Variants in GRIA4 observed in about 807,000 individuals in gnomAD.
GRIA4 encodes the protein glutamate ionotropic receptor AMPA type subunit 4.
GRIA4 carries 34 observed loss-of-function variants against 104.0 expected under a neutral mutation model. The ratio of observed to expected loss-of-function variants is 0.33; its 90% CI spans 0.25 to 0.44. The LOEUF (loss-of-function observed/expected upper bound fraction) is 0.44, where lower values mean the gene tolerates loss of function less well. GRIA4 is among the 20% of genes least tolerant of loss of function. The pLI is 1.00. For synonymous variants in GRIA4, 386 were observed against 381.9 expected, an observed-to-expected ratio of 1.01 and a Z score of -0.13; for missense variants, 750 against 1,096.5, an observed-to-expected ratio of 0.68 and a Z score of 4.46.
At chr11:105,659,354 A>T (rs922539745) in intron 3 of GRIA4, among the ~76,000 whole-genome samples, 15 of 152,110 alleles carry the variant, frequency 9.9e-5, no homozygotes, top group African/African-American at 3.4e-4. Flanking sequence ...GACTTCTAGG[A>T]AAGGTTTATC....
At chr11:105,869,285 T>C (rs1347085581) in intron 5 of GRIA4, among the ~76,000 whole-genome samples, 3 of 152,170 alleles carry the variant, frequency 2.0e-5, no homozygotes, top group African/African-American at 7.2e-5. Context: ...TTCAACTAAA[T>C]ATGTTTTAGT....
At chr11:105,772,156 C>T (rs1000202828) in intron 4 of GRIA4, among the ~76,000 whole-genome samples, 1 of 152,162 alleles carries the variant, frequency 6.6e-6, no homozygotes, top group African/African-American at 2.4e-5. Flanking sequence ...AACAGCACAA[C>T]TCTCCACTAA....
chr11:105,646,266 G>A (rs955596417), intron 3 of GRIA4, among the ~76,000 whole-genome samples: 5 of 152,104 alleles, frequency 3.3e-5, no homozygotes, highest in Admixed American at 1.3e-4. Context: ...GAAATTTATC[G>A]TATTGAAGAT....
intron 3 of GRIA4, among the ~76,000 whole-genome samples, chr11:105,744,410 A>C (rs1939516730): frequency 6.6e-6 from 1 of 152,150 alleles, no homozygotes; most frequent in South Asian, 2.1e-4. Context: ...ATTTGCCCCA[A>C]ACCAAGAAAC....
chr11:105,649,618 A>G (rs1021372944), intron 3 of GRIA4, among the ~76,000 whole-genome samples: 1 of 152,150 alleles, frequency 6.6e-6, no homozygotes, highest in Non-Finnish European at 1.5e-5. Flanking sequence ...CTATTTCATA[A>G]CAAATTAGTA....
At chr11:105,700,562 T>C (rs1454698283) in intron 3 of GRIA4, among the ~76,000 whole-genome samples, 1 of 152,146 alleles carries the variant, frequency 6.6e-6, no homozygotes, top group African/African-American at 2.4e-5. Context: ...TTGCATCTTT[T>C]TTCTTTTCCC....
At chr11:105,849,821 A>G (rs1944734778) in intron 4 of GRIA4, among the ~76,000 whole-genome samples, 1 of 152,192 alleles carries the variant, frequency 6.6e-6, no homozygotes, top group African/African-American at 2.4e-5. Context: ...TAGCTCTAAA[A>G]AACAACCCTA....
intron 3 of GRIA4, among the ~76,000 whole-genome samples, chr11:105,629,524 G>T (rs10736644): frequency 0.42 from 63,076 of 151,446 alleles, 13,542 homozygotes; most frequent in South Asian, 0.57. Context: ...ATATATAAAA[G>T]AGACTGAAAA....
Position 105,695,243 on chromosome 11 carries a change from G to C in GRIA4, c.248-57738G>C, listed in dbSNP as rs542588076. ...TTGGCCTCTCAGGTTTGTTGGTTTT[G>C]ATCTATTTTGGTTTGTGTTTGAGAG... On this transcript the variant is annotated intron_variant, in intron 3 of 16. Transcript: ENST00000282499. Among the ~76,000 whole-genome samples, 53 of 152,232 alleles carry C rather than the reference G, an allele frequency of 3.5e-4. 1 individual carries two copies. The South Asian group carries it at 7.9e-3, about 23-fold the overall frequency.
intron 4 of GRIA4, among the ~76,000 whole-genome samples, chr11:105,783,405 T>C (rs1196709187): frequency 1.3e-5 from 2 of 152,216 alleles, no homozygotes; most frequent in African/African-American, 2.4e-5. Context: ...CACACAGCTG[T>C]TACACTGGGA....
intron 3 of GRIA4, among the ~76,000 whole-genome samples, chr11:105,642,292 A>G (rs555285052): frequency 6.6e-6 from 1 of 152,294 alleles, no homozygotes; most frequent in South Asian, 2.1e-4. Context: ...AGGCAAGCTG[A>G]GAACACATGT....
chr11:105,769,624 C>T (rs572765270), intron 4 of GRIA4, among the ~76,000 whole-genome samples: 2 of 151,852 alleles, frequency 1.3e-5, no homozygotes, highest in African/African-American at 4.8e-5. Flanking sequence ...GCAGGGGGTA[C>T]CAAGAGTTAT....
chr11:105,813,458 A>G (rs1487774754), intron 4 of GRIA4, among the ~76,000 whole-genome samples: 1 of 152,206 alleles, frequency 6.6e-6, no homozygotes, highest in African/African-American at 2.4e-5. Flanking sequence ...CCCTGCTTGT[A>G]CTTTATGAAT....
At chr11:105,631,381 T>C (rs1373381660) in intron 3 of GRIA4, among the ~76,000 whole-genome samples, 3 of 152,190 alleles carry the variant, frequency 2.0e-5, no homozygotes, top group African/African-American at 4.8e-5. Flanking sequence ...ATTAATGAAG[T>C]AAAATTGGAC....
chr11:105,709,265 T>C (rs573699063), intron 3 of GRIA4, among the ~76,000 whole-genome samples: 6 of 152,060 alleles, frequency 3.9e-5, no homozygotes, highest in Non-Finnish European at 8.8e-5. Flanking sequence ...CCCAAATTGA[T>C]ATAAGTAAAT....
chr11:105,709,187 G>A (rs1334102531), intron 3 of GRIA4, among the ~76,000 whole-genome samples: 7 of 152,054 alleles, frequency 4.6e-5, no homozygotes, highest in South Asian at 2.1e-4. Flanking sequence ...CTGGGACACC[G>A]TGAGTAAAAA....
At chr11:105,787,045 G>A (rs556518835) in intron 4 of GRIA4, among the ~76,000 whole-genome samples, 9 of 152,146 alleles carry the variant, frequency 5.9e-5, no homozygotes, top group East Asian at 3.9e-4. Context: ...TAAACTTTAC[G>A]GTGATTTCCA....
intron 14 of GRIA4, among the ~76,000 whole-genome samples, chr11:105,935,784 TA>T (rs778784053): frequency 1.3e-5 from 2 of 152,138 alleles, no homozygotes; most frequent in Admixed American, 1.3e-4. Flanking sequence ...TGACTCCCAT[TA>T]ATGGCAAGAG....
chr11:105,743,042 G>C (rs1939415030), intron 3 of GRIA4, among the ~76,000 whole-genome samples: 1 of 152,070 alleles, frequency 6.6e-6, no homozygotes, highest in South Asian at 2.1e-4. Context: ...TTTATGTTCT[G>C]TGTGCCTAAA....
Sources: gnomAD v4.1 joint callset for allele counts (sites outside exome capture counted in the v4.1 genomes callset) on GRCh38, gnomAD v4.1.1 for gene constraint, MANE v1.5 for transcripts, NCBI Gene and HGNC (gene_info 2026-07-23, HGNC 2026-07-21) for gene names.